Variants in TNKS observed in about 807,000 individuals in gnomAD.
The protein encoded by TNKS is poly [ADP-ribose] polymerase tankyrase-1.
In TNKS, 72 loss-of-function variants were observed where a neutral mutation model predicts 135.8. The observed-to-expected ratio is 0.53, with a 90% confidence interval of 0.44 to 0.64. TNKS has a LOEUF of 0.64. Ranked by LOEUF, TNKS falls within the 30% of genes least tolerant of loss-of-function variation. The pLI, the probability that TNKS is intolerant of heterozygous loss-of-function variation, is 0.00. For missense variants in TNKS, 1,769 were observed against 1,674.0 expected (o/e 1.06, Z -0.99); for synonymous variants, 849 against 649.3 (o/e 1.31, Z -4.68).
At chr8:9,580,999 T>C (rs1309776059) in intron 2 of TNKS, among the ~76,000 whole-genome samples, 2 of 152,216 alleles carry the variant, frequency 1.3e-5, no homozygotes, top group East Asian at 3.8e-4. Flanking sequence ...TTTTTTATTT[T>C]GAAATCTAAA....
In TNKS at chr8:9,779,272, C is replaced by T. The variant is rs1214555509; in HGVS notation, c.*2536C>T. ...TACATTTGGGATTTTCATCTGTAGC[C>T]GTATGAAGAACCCTTTCCAATATAA... On this transcript the variant is annotated 3_prime_UTR_variant, in exon 27 of 27. Transcript: ENST00000310430. 6.6e-6 allele frequency: 1 copy of T among 152,520 alleles called. No individual in the cohort carries two copies. The highest frequency in any genetic ancestry group is 2.4e-5 in the African/African-American group (1 of 41,400). The allele number at this position is 152,520 out of a possible 1,614,324, so 9.4% of individuals were successfully genotyped here.
At chr8:9,602,211 TA>T (rs1220707716) in intron 2 of TNKS, among the ~76,000 whole-genome samples, 3 of 152,146 alleles carry the variant, frequency 2.0e-5, no homozygotes, top group Non-Finnish European at 2.9e-5. Flanking sequence ...CTTAGGCTGT[TA>T]AAGATGCAAC....
At chr8:9,685,370 C>T (rs146085502) in intron 5 of TNKS, among the ~76,000 whole-genome samples, 54 of 152,236 alleles carry the variant, frequency 3.5e-4, no homozygotes, top group South Asian at 1.5e-3. Flanking sequence ...ATACCCTTTC[C>T]ACAAGGCATT....
rs756736699 is a variant in TNKS, at chr8:9,766,223, G to A, written c.3554-16G>A. ...AAAGTGTTCAAAAACGAATCTTTCT[G>A]TCTTCGTATTTCTAGGTTCTCCTTT... On this transcript the variant is annotated splice_polypyrimidine_tract_variant and intron_variant, in intron 24 of 26. Transcript: ENST00000310430. The A allele has an allele frequency of 6.3e-7, 1 of 1,590,780 alleles. No individual in the cohort carries two copies. The highest frequency in any genetic ancestry group is 1.1e-5 in the South Asian group (1 of 88,650).
At chr8:9,691,282 CTAT>C (rs981085306) in intron 5 of TNKS, among the ~76,000 whole-genome samples, 2 of 151,982 alleles carry the variant, frequency 1.3e-5, no homozygotes, top group African/African-American at 2.4e-5. Flanking sequence ...TTTTGTCCTG[CTAT>C]ATTAAACTAT....
At position 9,779,804 on chromosome 8, in the gene TNKS, G is replaced by C. The variant is rs930410440; in HGVS notation, c.*3068G>C. 6 of 152,180 alleles carry C rather than the reference G, an allele frequency of 3.9e-5. No homozygotes were observed. The highest frequency in any genetic ancestry group is 1.4e-4 in the African/African-American group (6 of 41,438). 9.4% of individuals were successfully genotyped at this position (152,180 alleles called of 1,614,324 possible). ...ATGACAGCATGGAACCCAGAGTTTT[G>C]ATTCGATGCAAAATAACAGCAGTGC... On this transcript the variant is annotated 3_prime_UTR_variant, in exon 27 of 27. Transcript: ENST00000310430.
chr8:9,653,716 A>G (rs538251539), intron 3 of TNKS, among the ~76,000 whole-genome samples: 1 of 152,242 alleles, frequency 6.6e-6, no homozygotes, highest in Admixed American at 6.5e-5. Context: ...ATTGCCAACT[A>G]AATTTCAGCA....
intron 5 of TNKS, among the ~76,000 whole-genome samples, chr8:9,694,490 G>A (rs555989710): frequency 1.3e-5 from 2 of 152,216 alleles, no homozygotes; most frequent in South Asian, 4.2e-4. Flanking sequence ...GGCCCGGCAT[G>A]GTGGCTCACA....
chr8:9,686,067 C>A (rs1004124195), intron 5 of TNKS, among the ~76,000 whole-genome samples: 4 of 152,122 alleles, frequency 2.6e-5, no homozygotes, highest in African/African-American at 9.7e-5. Flanking sequence ...CTTGTCTAGC[C>A]CCCTGCCACA....
At chr8:9,759,883 G>C (rs927251898) in intron 20 of TNKS, among the ~76,000 whole-genome samples, 1 of 152,090 alleles carries the variant, frequency 6.6e-6, no homozygotes, top group Non-Finnish European at 1.5e-5. Flanking sequence ...GCTGAGGCAA[G>C]AGAATGGCGT....
rs375595091 is a variant in TNKS at position 9,766,221 on chromosome 8, C to T, written c.3554-18C>T. 1.3e-5 allele frequency: 20 copies of T among 1,586,532 alleles called. No homozygotes were observed. In the African/African-American group the frequency reaches 1.9e-4, roughly 15 times the overall value. On this transcript the variant is annotated intron_variant, in intron 24 of 26. Coordinates refer to ENST00000310430, the MANE Select transcript of TNKS (RefSeq NM_003747.3). The stretch of plus-strand genomic sequence containing the variant: ...GAAAAGTGTTCAAAAACGAATCTTT[C>T]TGTCTTCGTATTTCTAGGTTCTCCT...
chr8:9,614,576 C>T (rs1799571080), intron 2 of TNKS, among the ~76,000 whole-genome samples: 1 of 152,142 alleles, frequency 6.6e-6, no homozygotes, highest in African/African-American at 2.4e-5. Context: ...TATTACCTTC[C>T]AAATATTGCT....
chr8:9,601,887 C>T (rs1228917351), intron 2 of TNKS, among the ~76,000 whole-genome samples: 1 of 152,080 alleles, frequency 6.6e-6, no homozygotes, highest in East Asian at 1.9e-4. Context: ...AATCTTTCTT[C>T]AAATGAAATA....
intron 1 of TNKS, among the ~76,000 whole-genome samples, chr8:9,560,154 A>T (rs369818811): frequency 6.6e-6 from 1 of 152,130 alleles, no homozygotes; most frequent in Non-Finnish European, 1.5e-5. Context: ...TCTAGTAGTG[A>T]CATATTTTTG....
chr8:9,713,428 G>GA, intron 11 of TNKS, among the ~76,000 whole-genome samples: 1 of 152,242 alleles, frequency 6.6e-6, no homozygotes, highest in Non-Finnish European at 1.5e-5. Context: ...AGGTTCAATG[G>GA]AAAATAACAT....
At chr8:9,597,897 G>C (rs1798855012) in intron 2 of TNKS, among the ~76,000 whole-genome samples, 1 of 152,144 alleles carries the variant, frequency 6.6e-6, no homozygotes, top group Non-Finnish European at 1.5e-5. Flanking sequence ...CTATCATTCA[G>C]AACAATTGAT....
chr8:9,610,678 A>G (rs59519630), intron 2 of TNKS, among the ~76,000 whole-genome samples: 13,531 of 152,188 alleles, frequency 0.089, 628 homozygotes, highest in South Asian at 0.18. Flanking sequence ...ATATCTCTTT[A>G]TTCTTAAAGC....
At chr8:9,713,554 A>G (rs930169015) in intron 11 of TNKS, among the ~76,000 whole-genome samples, 3 of 152,278 alleles carry the variant, frequency 2.0e-5, no homozygotes, top group African/African-American at 4.8e-5. Context: ...AGCCCTGTCA[A>G]TGACTTAGAA....
chr8:9,597,299 A>G (rs1451321575), intron 2 of TNKS, among the ~76,000 whole-genome samples: 3 of 152,186 alleles, frequency 2.0e-5, no homozygotes, highest in East Asian at 3.8e-4. Flanking sequence ...GTTTCTTTCC[A>G]CTTGCTTTCT....
Sources: gnomAD v4.1 joint callset for allele counts (sites outside exome capture counted in the v4.1 genomes callset) on GRCh38, gnomAD v4.1.1 for gene constraint, MANE v1.5 for transcripts, NCBI Gene and HGNC (gene_info 2026-07-23, HGNC 2026-07-21) for gene names.